Variants in SAMD3 observed in about 807,000 individuals in gnomAD.
SAMD3 encodes sterile alpha motif domain-containing protein 3.
In SAMD3, 63 loss-of-function variants were observed where a neutral mutation model predicts 58.5. The observed-to-expected ratio is 1.08, with a 90% confidence interval of 0.88 to 1.33. The LOEUF (loss-of-function observed/expected upper bound fraction) is 1.33. SAMD3 is among the 40% of genes most tolerant of loss of function. SAMD3 has a pLI of 0.00. For missense variants in SAMD3, 604 were observed against 608.4 expected (o/e 0.99, Z 0.08); for synonymous variants, 220 against 210.3 (o/e 1.05, Z -0.40).
chr6:130,176,152 A>G (rs1791704537), intron 7 of SAMD3, 144 bp from the exon 8 acceptor site: 2 of 720,726 alleles, frequency 2.8e-6, no homozygotes, highest in Non-Finnish European at 2.5e-6. Flanking sequence ...CAATATATCT[A>G]TCCTTCCTTT....
intron 7 of SAMD3, among the ~76,000 whole-genome samples, chr6:130,178,462 A>C (rs35570259): frequency 6.6e-6 from 1 of 152,034 alleles, no homozygotes; most frequent in Admixed American, 6.5e-5. Context: ...GTAAGTCGCC[A>C]AATGGCTTTG....
intron 4 of SAMD3, among the ~76,000 whole-genome samples, chr6:130,211,941 G>C (rs937020375): frequency 3.3e-5 from 5 of 149,608 alleles, no homozygotes; most frequent in African/African-American, 9.9e-5. Context: ...TCTTTAGAAC[G>C]GACCTAAAGT....
chr6:130,316,719 C>T (rs1025462455), intron 1 of SAMD3, among the ~76,000 whole-genome samples: 1 of 151,996 alleles, frequency 6.6e-6, no homozygotes, highest in Admixed American at 6.5e-5. Context: ...ATGTTGGTGG[C>T]CTTAGCATAC....
At chr6:130,216,105 A>C (rs1488912531) in intron 2 of SAMD3, among the ~76,000 whole-genome samples, 1 of 152,124 alleles carries the variant, frequency 6.6e-6, no homozygotes, top group African/African-American at 2.4e-5. Context: ...GCAAGTTTGC[A>C]AGATATATTC....
intron 8 of SAMD3, among the ~76,000 whole-genome samples, chr6:130,157,097 A>G (rs1789856419): frequency 6.7e-6 from 1 of 149,886 alleles, no homozygotes; most frequent in Admixed American, 6.6e-5. Context: ...ATAAATAAAT[A>G]AATAAATAAA....
chr6:130,172,179 T>A (rs564010091), intron 8 of SAMD3, among the ~76,000 whole-genome samples: 3 of 152,338 alleles, frequency 2.0e-5, no homozygotes, highest in African/African-American at 7.2e-5. Flanking sequence ...CCAGTCTGTG[T>A]CTTTTAATTG....
At chr6:130,277,894 G>A (rs1053174665) in intron 2 of SAMD3, among the ~76,000 whole-genome samples, 2 of 152,122 alleles carry the variant, frequency 1.3e-5, no homozygotes, top group African/African-American at 4.8e-5. Context: ...ATAGTTTATA[G>A]TTTGAAACAA....
intron 2 of SAMD3, among the ~76,000 whole-genome samples, chr6:130,240,332 A>G (rs1351842575): frequency 1.3e-5 from 2 of 152,216 alleles, no homozygotes; most frequent in Non-Finnish European, 2.9e-5. Flanking sequence ...TCTTAATAAA[A>G]GATCCACAGG....
At chr6:130,220,614 G>T (rs1022970653) in intron 1 of SAMD3, among the ~76,000 whole-genome samples, 7 of 152,104 alleles carry the variant, frequency 4.6e-5, no homozygotes, top group Non-Finnish European at 1.0e-4. Flanking sequence ...ATTTCCCTCA[G>T]AATTAATTTA....
At chr6:130,325,709 T>C (rs395731) in intron 1 of SAMD3, among the ~76,000 whole-genome samples, 1 of 152,204 alleles carries the variant, frequency 6.6e-6, no homozygotes, top group African/African-American at 2.4e-5. Context: ...CTGTGTATGA[T>C]TTATGTATTT....
At chr6:130,264,988 T>A (rs2114928106) in intron 2 of SAMD3, among the ~76,000 whole-genome samples, 1 of 152,280 alleles carries the variant, frequency 6.6e-6, no homozygotes, top group Middle Eastern at 3.4e-3. Context: ...CTGGCAGCAA[T>A]GGCCTTGTTA....
intron 8 of SAMD3, chr6:130,161,480 C>G (rs1420678905): frequency 6.6e-6 from 1 of 152,156 alleles, no homozygotes; most frequent in Non-Finnish European, 1.5e-5. Context: ...TTCTAGATAA[C>G]TTCCACCTGA....
At position 130,187,244 on chromosome 6, in the gene SAMD3, A is replaced by G. The variant is rs180978566; in HGVS notation, c.384-2621T>C. 1.1e-3 allele frequency among the ~76,000 whole-genome samples: 161 copies of G among 152,180 alleles called. 1 individual carries two copies. The South Asian group carries it at 0.019, about 18-fold the overall frequency. On this transcript the variant is annotated intron_variant, in intron 5 of 11. Coordinates refer to ENST00000439090, the MANE Select transcript of SAMD3 (RefSeq NM_001017373.4). ...AGTACCACCTCAACAGATAAGTTCA[A>G]TGTTCCAGTGTTATAAAATAAAGCT...
At chr6:130,143,606 A>G (rs899339800), downstream of SAMD3, 12 of 152,226 alleles carry the variant, frequency 7.9e-5, no homozygotes, top group African/African-American at 2.4e-4. Context: ...GGAAATGTTC[A>G]TCCCACCATG....
intron 2 of SAMD3, among the ~76,000 whole-genome samples, chr6:130,269,606 T>C (rs573435919): frequency 2.0e-5 from 3 of 152,144 alleles, no homozygotes; most frequent in African/African-American, 7.2e-5. Context: ...TTCTCTCTTT[T>C]TCTTTTTGTC....
At chr6:130,231,598 A>G (rs1395510625) in intron 2 of SAMD3, among the ~76,000 whole-genome samples, 2 of 151,950 alleles carry the variant, frequency 1.3e-5, no homozygotes, top group Non-Finnish European at 2.9e-5. Context: ...GTAATTTTTA[A>G]GGATAGCATT....
intron 9 of SAMD3, among the ~76,000 whole-genome samples, chr6:130,152,772 A>C (rs1276252025): frequency 6.6e-6 from 1 of 152,186 alleles, no homozygotes; most frequent in Non-Finnish European, 1.5e-5. Context: ...TTTGGATATA[A>C]AGGGTGAAAT....
At chr6:130,238,299 GA>G (rs34774451) in intron 2 of SAMD3, among the ~76,000 whole-genome samples, 1 of 151,962 alleles carries the variant, frequency 6.6e-6, no homozygotes, top group Non-Finnish European at 1.5e-5. Flanking sequence ...TATTAAAAAC[GA>G]AAAAATATTG....
At chr6:130,144,838 G>T in intron 11 of SAMD3, 34 bp from the exon 12 acceptor site, 2 of 1,555,110 alleles carry the variant, frequency 1.3e-6, no homozygotes, top group Non-Finnish European at 1.7e-6. Context: ...ACCATGATAC[G>T]TAAAATAGCT....
Sources: allele counts gnomAD v4.1 joint callset (sites outside exome capture counted in the v4.1 genomes callset), GRCh38; gene constraint gnomAD v4.1.1; transcripts MANE v1.5; gene names NCBI Gene and HGNC (gene_info 2026-07-23, HGNC 2026-07-21).